DIP2C: variants seen among roughly 807,000 people sequenced by gnomAD.
The protein encoded by DIP2C is disco-interacting protein 2 homolog C.
A neutral mutation model predicts 192.4 loss-of-function variants in DIP2C; 33 were observed. That is an observed-to-expected ratio of 0.17 (90% CI 0.13 to 0.23). The LOEUF is 0.23. Ranked by LOEUF, DIP2C falls within the 10% of genes least tolerant of loss-of-function variation. DIP2C has a pLI of 1.00. For missense variants in DIP2C, 1,537 were observed against 2,110.1 expected, an observed-to-expected ratio of 0.73 and a Z score of 5.32; for synonymous variants, 979 against 864.1, an observed-to-expected ratio of 1.13 and a Z score of -2.33.
intron 24 of DIP2C, among the ~76,000 whole-genome samples, chr10:353,541 CA>C (rs1246345776): frequency 6.6e-6 from 1 of 152,126 alleles, no homozygotes; most frequent in Non-Finnish European, 1.5e-5. Context: ...AGGCATGTGC[CA>C]AAACACCCAG....
chr10:638,116 C>G (rs1002251615), intron 1 of DIP2C, among the ~76,000 whole-genome samples: 3 of 152,142 alleles, frequency 2.0e-5, no homozygotes, highest in African/African-American at 7.2e-5. Context: ...GTCAGCTGGG[C>G]ACCGAGTCTG....
chr10:623,517 A>G (rs1362410911), intron 1 of DIP2C, among the ~76,000 whole-genome samples: 4 of 51,588 alleles, frequency 7.8e-5, no homozygotes, highest in East Asian at 6.2e-4. Flanking sequence ...AGGGATGGAC[A>G]CAAGGCCAAG....
At chr10:433,245 T>G (rs964789487) in intron 4 of DIP2C, among the ~76,000 whole-genome samples, 2 of 152,252 alleles carry the variant, frequency 1.3e-5, no homozygotes, top group African/African-American at 4.8e-5. Flanking sequence ...TATCAGTTTT[T>G]GCTTTGGCAT....
chr10:458,626 C>T (rs963935032), intron 3 of DIP2C, among the ~76,000 whole-genome samples: 1 of 149,178 alleles, frequency 6.7e-6, no homozygotes, highest in Non-Finnish European at 1.5e-5. Context: ...CAGCACACAG[C>T]AGAGTGCTCG....
chr10:587,136 G>T lies in DIP2C; in HGVS notation c.86-100606C>A, dbSNP rs182378741. Among the ~76,000 whole-genome samples the T allele has an allele frequency of 6.0e-4, 90 of 150,502 alleles. 1 individual carries two copies. The East Asian group carries it at 0.013, about 22-fold the overall frequency. ...CGTGGCGAGGGGCAAACAGTGCAGGGTCTAAGGCCGGACCACCCGGGTCCC... is the reference window on the plus strand; with the variant it reads ...CGTGGCGAGGGGCAAACAGTGCAGGTTCTAAGGCCGGACCACCCGGGTCCC... On this transcript the variant is annotated intron_variant, in intron 1 of 36. Coordinates refer to ENST00000280886, the MANE Select transcript of DIP2C (RefSeq NM_014974.3).
At chr10:569,270 T>C (rs1044284422) in intron 1 of DIP2C, among the ~76,000 whole-genome samples, 4 of 152,188 alleles carry the variant, frequency 2.6e-5, no homozygotes, top group Admixed American at 6.5e-5. Context: ...AGTGTTTCTA[T>C]AAAATAATGT....
At chr10:412,983 TCTAA>T (rs1217817786) in intron 8 of DIP2C, among the ~76,000 whole-genome samples, 2 of 152,166 alleles carry the variant, frequency 1.3e-5, no homozygotes, top group Non-Finnish European at 2.9e-5. Flanking sequence ...TTTTGAAAAT[TCTAA>T]CTGATTAATT....
chr10:528,138 G>A (rs543311230), intron 1 of DIP2C, among the ~76,000 whole-genome samples: 2 of 152,092 alleles, frequency 1.3e-5, no homozygotes, highest in African/African-American at 4.8e-5. Context: ...AAGGGTTTGC[G>A]AGAGAGAAAA....
chr10:553,922 A>C (rs1002945566), intron 1 of DIP2C, among the ~76,000 whole-genome samples: 74 of 152,176 alleles, frequency 4.9e-4, no homozygotes, highest in African/African-American at 1.7e-3. Flanking sequence ...TGTAACTGTA[A>C]CAGTGGTGAA....
chr10:618,303 T>C (rs1853606770), intron 1 of DIP2C, among the ~76,000 whole-genome samples: 2 of 152,250 alleles, frequency 1.3e-5, no homozygotes, highest in Admixed American at 6.5e-5. Context: ...AAAGGAAAAC[T>C]GGGTTCTGGC....
Position 354,151 on chromosome 10 carries a change from A to G in DIP2C, c.2985+2275T>C, listed in dbSNP as rs1202179697. On this transcript the variant is annotated intron_variant, in intron 24 of 36. Coordinates refer to ENST00000280886, the MANE Select transcript of DIP2C (RefSeq NM_014974.3). ...AGCCTTGGAAACAGCTCACACCTCC[A>G]AGGAAAAGACATCCTCAGGCCATGC... 2.0e-5 allele frequency among the ~76,000 whole-genome samples: 3 copies of G among 152,210 alleles called. No homozygotes were observed. The East Asian group carries it at 5.8e-4, about 29-fold the overall frequency.
At chr10:561,324 A>G (rs552743243) in intron 1 of DIP2C, among the ~76,000 whole-genome samples, 1 of 152,308 alleles carries the variant, frequency 6.6e-6, no homozygotes, top group South Asian at 2.1e-4. Flanking sequence ...GATTGGAGGC[A>G]GCAATTGCCC....
At chr10:513,162 G>A (rs1401415291) in intron 1 of DIP2C, among the ~76,000 whole-genome samples, 1 of 133,464 alleles carries the variant, frequency 7.5e-6, no homozygotes, top group Non-Finnish European at 1.7e-5. Flanking sequence ...TAGCATACTG[G>A]CAGTTTTCCC....
intron 9 of DIP2C, among the ~76,000 whole-genome samples, chr10:400,402 T>C (rs1403526278): frequency 1.3e-5 from 2 of 152,344 alleles, no homozygotes; most frequent in Admixed American, 1.3e-4. Flanking sequence ...AGAGTGTTAA[T>C]AGACAACCCT....
chr10:303,354 T>C (rs1390819878), intron 32 of DIP2C, among the ~76,000 whole-genome samples: 1 of 152,232 alleles, frequency 6.6e-6, no homozygotes, highest in Non-Finnish European at 1.5e-5. Context: ...ACTAAATCTA[T>C]AAGAAAATTC....
At chr10:435,197 G>A (rs1967078869) in intron 4 of DIP2C, among the ~76,000 whole-genome samples, 3 of 152,078 alleles carry the variant, frequency 2.0e-5, no homozygotes, top group Admixed American at 2.0e-4. Context: ...TTGCTTTTCA[G>A]TTCTGGAGGT....
intron 1 of DIP2C, among the ~76,000 whole-genome samples, chr10:535,318 C>T (rs963910418): frequency 2.0e-5 from 3 of 151,430 alleles, no homozygotes; most frequent in Non-Finnish European, 2.9e-5. Context: ...GCGAGAGGGG[C>T]GCTGTGGAAA....
At chr10:421,096 T>C (rs1025508007) in intron 5 of DIP2C, among the ~76,000 whole-genome samples, 1 of 152,256 alleles carries the variant, frequency 6.6e-6, no homozygotes, top group South Asian at 2.1e-4. Context: ...CACTGCTTTT[T>C]TTCCAAAAAA....
Position 477,719 on chromosome 10 carries a change from A to T in DIP2C, c.158-5170T>A, listed in dbSNP as rs572972758. Reference sequence around the variant, plus strand: ...GAAAAGGAAAGAATAAAGGAGAGAGAAGAAAGAGAAGGAAAGAAAGAACGA... The same window carrying T: ...GAAAAGGAAAGAATAAAGGAGAGAGTAGAAAGAGAAGGAAAGAAAGAACGA... On this transcript the variant is annotated intron_variant, in intron 2 of 36. Coordinates refer to ENST00000280886, the MANE Select transcript of DIP2C (RefSeq NM_014974.3). 3.6e-5 allele frequency among the ~76,000 whole-genome samples: 5 copies of T among 140,366 alleles called. No individual in the cohort carries two copies. The East Asian group carries it at 1.2e-3, about 33-fold the overall frequency. The allele number at this position is 140,366 out of a possible 152,430, so 92.1% of individuals were successfully genotyped here. A position where few individuals can be genotyped will look rare whatever the true frequency, so the allele number is the denominator to read the frequency against.
Sources: allele counts gnomAD v4.1 joint callset (sites outside exome capture counted in the v4.1 genomes callset), GRCh38; gene constraint gnomAD v4.1.1; transcripts MANE v1.5; gene names NCBI Gene and HGNC (gene_info 2026-07-23, HGNC 2026-07-21).